EVI5: variants seen among roughly 807,000 people sequenced by gnomAD.
The protein encoded by EVI5 is ecotropic viral integration site 5 protein homolog.
In EVI5, 73 loss-of-function variants were observed where a neutral mutation model predicts 112.0. The observed-to-expected ratio is 0.65, with a 90% CI of 0.54 to 0.79. The LOEUF (loss-of-function observed/expected upper bound fraction) is 0.79, where lower values mean the gene tolerates loss of function less well. Ranked by LOEUF, EVI5 falls within the 30% of genes least tolerant of loss-of-function variation. The pLI, the probability that EVI5 is intolerant of heterozygous loss-of-function variation, is 0.00. For missense variants in EVI5, 900 were observed against 968.8 expected (o/e 0.93, Z 0.94); for synonymous variants, 305 against 319.9 (o/e 0.95, Z 0.50).
At chr1:92,762,973 TA>T (rs561882613) in intron 1 of EVI5, among the ~76,000 whole-genome samples, 3 of 151,258 alleles carry the variant, frequency 2.0e-5, no homozygotes, top group African/African-American at 4.9e-5. Context: ...TCTGTAAAAA[TA>T]AAAAAAAGGG....
rs570596259 is a variant in EVI5 at position 92,542,310 on chromosome 1, T to C, written c.2166+21332A>G. 3.9e-5 allele frequency among the ~76,000 whole-genome samples: 6 copies of C among 152,276 alleles called. No individual in the cohort carries two copies. In the South Asian group the frequency reaches 1.2e-3, roughly 32 times the overall value. ...TCCCTAAGAAGCAACTCCTCGTCCA[T>C]TCAAGTTTGATCATGAGATTGCAGC... On this transcript the variant is annotated intron_variant, in intron 19 of 19. Transcript: ENST00000684568.
At chr1:92,677,096 C>T (rs1666873429) in intron 10 of EVI5, 62 bp downstream of exon 10, 1 of 972,714 alleles carries the variant, frequency 1.0e-6, no homozygotes, top group Non-Finnish European at 1.6e-6. Flanking sequence ...AAACTTTAAA[C>T]ATCTACTGTC....
rs899398625 is a variant in EVI5 at position 92,780,714 on chromosome 1, A to G, written c.-82+4122T>C. On this transcript the variant is annotated intron_variant, in intron 1 of 19. Transcript: ENST00000684568. The stretch of plus-strand genomic sequence containing the variant: ...GATCAAACAGACGTCTATATAGAAA[A>G]AAGTGAATCTTGGCCCGGTGCAGTG... Among the ~76,000 whole-genome samples the G allele has an allele frequency of 3.3e-5, 5 of 152,156 alleles. No homozygotes were observed. In the South Asian group the frequency reaches 8.3e-4, roughly 25 times the overall value.
At chr1:92,742,640 T>C (rs544579880) in intron 1 of EVI5, among the ~76,000 whole-genome samples, 1 of 151,096 alleles carries the variant, frequency 6.6e-6, no homozygotes, top group Non-Finnish European at 1.5e-5. Flanking sequence ...GCCATTGCAC[T>C]CCAGCCTGGG....
chr1:92,524,828 C>CT (rs556819782), intron 19 of EVI5, among the ~76,000 whole-genome samples: 20,001 of 137,572 alleles, frequency 0.15, 1,549 homozygotes, highest in Middle Eastern at 0.19. Flanking sequence ...AGATTAACTA[C>CT]TTTTTTTTTT....
At chr1:92,677,354 T>C (rs1666921345) in intron 9 of EVI5, 136 bp from the exon 10 acceptor site, 2 of 503,300 alleles carry the variant, frequency 4.0e-6, no homozygotes, top group Non-Finnish European at 6.8e-6. Context: ...TGGAGATATT[T>C]GATGTGAGAA....
chr1:92,621,308 T>C (rs1034162548), intron 16 of EVI5, among the ~76,000 whole-genome samples: 3 of 152,188 alleles, frequency 2.0e-5, no homozygotes, highest in Non-Finnish European at 4.4e-5. Flanking sequence ...AAATTGTTTT[T>C]AGTTTTTTGT....
chr1:92,592,572 A>G (rs1674152325), intron 18 of EVI5, among the ~76,000 whole-genome samples: 1 of 152,240 alleles, frequency 6.6e-6, no homozygotes, highest in Non-Finnish European at 1.5e-5. Flanking sequence ...CTAAGATCGG[A>G]GCAGAACTGA....
chr1:92,540,209 T>A (rs1305197641), intron 19 of EVI5, among the ~76,000 whole-genome samples: 1 of 152,124 alleles, frequency 6.6e-6, no homozygotes, highest in Non-Finnish European at 1.5e-5. Context: ...TACCCAGGAG[T>A]GGAACTGCTA....
intron 19 of EVI5, among the ~76,000 whole-genome samples, chr1:92,556,912 G>A (rs2100820978): frequency 6.6e-6 from 1 of 151,590 alleles, no homozygotes; most frequent in East Asian, 2.0e-4. Context: ...TGGGTTCAGA[G>A]CAAGCCTCCT....
chr1:92,559,636 T>C (rs1668207112), intron 19 of EVI5, among the ~76,000 whole-genome samples: 1 of 151,648 alleles, frequency 6.6e-6, no homozygotes, highest in African/African-American at 2.4e-5. Context: ...TAGCCAGGCA[T>C]GGTGGTGTGT....
At chr1:92,716,302 T>C (rs1321002503) in intron 2 of EVI5, among the ~76,000 whole-genome samples, 1 of 152,172 alleles carries the variant, frequency 6.6e-6, no homozygotes, top group South Asian at 2.1e-4. Context: ...TTCTGCAGCC[T>C]CTGCTGGTGA....
intron 14 of EVI5, among the ~76,000 whole-genome samples, chr1:92,635,279 G>A (rs527242145): frequency 2.0e-5 from 3 of 152,358 alleles, no homozygotes; most frequent in Non-Finnish European, 2.9e-5. Context: ...CCCCCGAGGT[G>A]GAGTCTACAG....
chr1:92,746,576 A>C (rs995250075), intron 1 of EVI5, among the ~76,000 whole-genome samples: 1 of 152,062 alleles, frequency 6.6e-6, no homozygotes, highest in Non-Finnish European at 1.5e-5. Flanking sequence ...AAATACAAAA[A>C]TTAGCCGGGT....
At chr1:92,623,082 T>A (rs113971510) in intron 16 of EVI5, among the ~76,000 whole-genome samples, 1 of 1,200 alleles carries the variant, frequency 8.3e-4, no homozygotes, top group Non-Finnish European at 1.4e-3. Flanking sequence ...AAAGCTGTGT[T>A]TTCATCTTTA....
intron 1 of EVI5, among the ~76,000 whole-genome samples, chr1:92,760,782 C>T (rs1056945570): frequency 1.3e-4 from 19 of 150,126 alleles, no homozygotes; most frequent in South Asian, 6.3e-4. Context: ...ATAGGCCGGG[C>T]GCAGTGGCTC....
chr1:92,612,951 C>T (rs999940548), intron 16 of EVI5, among the ~76,000 whole-genome samples: 1 of 152,176 alleles, frequency 6.6e-6, no homozygotes, highest in Non-Finnish European at 1.5e-5. Context: ...AACTCTTGCA[C>T]ACTTTTCTTC....
At chr1:92,621,981 C>T (rs1339258969) in intron 16 of EVI5, among the ~76,000 whole-genome samples, 4 of 151,778 alleles carry the variant, frequency 2.6e-5, no homozygotes, top group African/African-American at 4.8e-5. Context: ...ATTAGCCAGG[C>T]GTGGTAGTGG....
At chr1:92,610,591 G>A (rs1226518459) in intron 16 of EVI5, among the ~76,000 whole-genome samples, 1 of 151,918 alleles carries the variant, frequency 6.6e-6, no homozygotes, top group Non-Finnish European at 1.5e-5. Context: ...CAAAGAACAA[G>A]TCACTATCAA....
Sources: allele counts gnomAD v4.1 joint callset (sites outside exome capture counted in the v4.1 genomes callset), GRCh38; gene constraint gnomAD v4.1.1; transcripts MANE v1.5; gene names NCBI Gene and HGNC (gene_info 2026-07-23, HGNC 2026-07-21).